The following CDH12 variants were observed in gnomAD, a reference collection of about 807,000 sequenced individuals.
CDH12 encodes the protein cadherin 12, also known as cadherin-12.
In CDH12, 41 loss-of-function variants were observed where a neutral mutation model predicts 74.1. The ratio of observed to expected loss-of-function variants is 0.55; its 90% CI spans 0.43 to 0.72. The LOEUF is 0.72. CDH12 is among the 30% of genes least tolerant of loss of function. The probability of loss-of-function intolerance (pLI) is 0.00; values close to 1 mark genes in which losing one functional copy is unlikely to be tolerated. For missense variants in CDH12, 945 were observed against 977.2 expected (o/e 0.97, Z 0.44); for synonymous variants, 399 against 355.0 (o/e 1.12, Z -1.39).
At chr5:21,795,327 T>C (rs1746722322) in intron 10 of CDH12, among the ~76,000 whole-genome samples, 1 of 151,870 alleles carries the variant, frequency 6.6e-6, no homozygotes, top group African/African-American at 2.4e-5. Flanking sequence ...TCAGATATTT[T>C]TCTAGATTTA....
intron 1 of CDH12, among the ~76,000 whole-genome samples, chr5:22,763,250 C>T (rs1333724868): frequency 6.6e-6 from 1 of 151,816 alleles, no homozygotes; most frequent in Admixed American, 6.6e-5. Flanking sequence ...AAAAATCTGT[C>T]TTACATTTTA....
At chr5:21,998,962 A>T (rs755808263) in intron 5 of CDH12, among the ~76,000 whole-genome samples, 12 of 152,180 alleles carry the variant, frequency 7.9e-5, no homozygotes, top group East Asian at 5.8e-4. Context: ...AAAATTAAAT[A>T]CCACAAATGA....
chr5:21,795,463 C>T (rs1746729320), intron 10 of CDH12, among the ~76,000 whole-genome samples: 1 of 151,816 alleles, frequency 6.6e-6, no homozygotes, highest in African/African-American at 2.4e-5. Flanking sequence ...TATTTATTAA[C>T]TATCCACTTG....
intron 2 of CDH12, among the ~76,000 whole-genome samples, chr5:22,457,560 C>G (rs1337215544): frequency 6.6e-6 from 1 of 151,518 alleles, no homozygotes; most frequent in East Asian, 1.9e-4. Context: ...GCTTGGATTA[C>G]AGGCACCTGC....
intron 6 of CDH12, among the ~76,000 whole-genome samples, chr5:21,928,111 T>C (rs1307203214): frequency 1.3e-5 from 2 of 151,876 alleles, no homozygotes; most frequent in East Asian, 1.9e-4. Flanking sequence ...CATTTGACTA[T>C]GGTAATAAGA....
chr5:22,017,188 C>T (rs1377840219), intron 5 of CDH12, among the ~76,000 whole-genome samples: 2 of 152,176 alleles, frequency 1.3e-5, no homozygotes, highest in South Asian at 2.1e-4. Context: ...TTTGTTCCTA[C>T]TCCTTTGTCT....
intron 1 of CDH12, among the ~76,000 whole-genome samples, chr5:22,697,150 C>T (rs1423434858): frequency 3.3e-5 from 5 of 152,114 alleles, no homozygotes; most frequent in Admixed American, 2.0e-4. Context: ...GTCTTTTTCC[C>T]CTCCCATGAA....
chr5:22,447,985 T>TAAAAAAAAAAAAAAA lies in CDH12; in HGVS notation c.-427-42649_-427-42635dup, dbSNP rs10660558. On this transcript the variant is annotated intron_variant, in intron 2 of 14. Coordinates refer to ENST00000382254, the MANE Select transcript of CDH12 (RefSeq NM_004061.5). Reference sequence around the variant, plus strand: ...ATGAGGCCTCCTTTCTACAAGAAATTAAAAAAAAAAAAAAAAAAAAGCCAG... The same window carrying TAAAAAAAAAAAAAAA: ...ATGAGGCCTCCTTTCTACAAGAAATTAAAAAAAAAAAAAAAAAAAAAAAAAAAAAAAAAAAGCCAG... Among the ~76,000 whole-genome samples the TAAAAAAAAAAAAAAA allele has an allele frequency of 3.6e-5, 3 of 84,432 alleles. 1 individual carries two copies. The highest frequency in any genetic ancestry group is 4.9e-5 in the African/African-American group (1 of 20,582). 55.4% of individuals were successfully genotyped at this position (84,432 alleles called of 152,430 possible).
At chr5:21,925,378 C>T (rs941008651) in intron 6 of CDH12, among the ~76,000 whole-genome samples, 1 of 152,116 alleles carries the variant, frequency 6.6e-6, no homozygotes, top group Non-Finnish European at 1.5e-5. Flanking sequence ...TGAGATAAAC[C>T]TCTAATTATA....
intron 7 of CDH12, among the ~76,000 whole-genome samples, chr5:21,852,608 A>G (rs947389071): frequency 4.0e-5 from 6 of 151,468 alleles, no homozygotes; most frequent in African/African-American, 1.4e-4. Flanking sequence ...ATATGGTTTT[A>G]TCCACAGTTA....
chr5:22,023,030 A>AC (rs1005554016), intron 5 of CDH12, among the ~76,000 whole-genome samples: 2 of 151,882 alleles, frequency 1.3e-5, no homozygotes, highest in East Asian at 1.9e-4. Flanking sequence ...TCTCATATTA[A>AC]CCCCCCCATT....
At chr5:22,757,493 G>T (rs1334702468) in intron 1 of CDH12, among the ~76,000 whole-genome samples, 1 of 151,874 alleles carries the variant, frequency 6.6e-6, no homozygotes, top group Non-Finnish European at 1.5e-5. Context: ...ATGGTATATG[G>T]GATTATCAGC....
At chr5:22,665,728 A>G (rs1224474072) in intron 1 of CDH12, among the ~76,000 whole-genome samples, 1 of 152,102 alleles carries the variant, frequency 6.6e-6, no homozygotes, top group African/African-American at 2.4e-5. Flanking sequence ...ATTTTACTTT[A>G]TTTCATTCAT....
intron 6 of CDH12, among the ~76,000 whole-genome samples, chr5:21,920,536 G>A (rs1008922842): frequency 6.6e-6 from 1 of 151,978 alleles, no homozygotes; most frequent in Admixed American, 6.6e-5. Flanking sequence ...CAGGGTGTGG[G>A]GGCCAGGGGA....
chr5:21,922,284 A>G (rs182801673), intron 6 of CDH12, among the ~76,000 whole-genome samples: 1 of 152,318 alleles, frequency 6.6e-6, no homozygotes, highest in African/African-American at 2.4e-5. Flanking sequence ...ATCATATAAA[A>G]AAGCATCTAA....
intron 2 of CDH12, among the ~76,000 whole-genome samples, chr5:22,433,864 G>A (rs1483597616): frequency 6.6e-6 from 1 of 152,066 alleles, no homozygotes; most frequent in African/African-American, 2.4e-5. Flanking sequence ...TGTAGCATGA[G>A]GATTAAAACA....
intron 3 of CDH12, among the ~76,000 whole-genome samples, chr5:22,342,065 T>C (rs1739874747): frequency 6.6e-6 from 1 of 152,208 alleles, no homozygotes; most frequent in African/African-American, 2.4e-5. Flanking sequence ...TGTCCTCACA[T>C]GGCCTTCCCT....
intron 3 of CDH12, among the ~76,000 whole-genome samples, chr5:22,311,211 T>C (rs1308218980): frequency 3.9e-5 from 6 of 152,200 alleles, no homozygotes; most frequent in Non-Finnish European, 5.9e-5. Flanking sequence ...AGATTCAAGT[T>C]GCCCTAAATA....
intron 10 of CDH12, among the ~76,000 whole-genome samples, chr5:21,786,497 G>GA (rs1020502111): frequency 3.1e-3 from 443 of 145,130 alleles, no homozygotes; most frequent in African/African-American, 9.6e-3. Context: ...CACAGCTCAG[G>GA]AAAAAAAAAA....
Sources: allele counts gnomAD v4.1 joint callset (sites outside exome capture counted in the v4.1 genomes callset), GRCh38; gene constraint gnomAD v4.1.1; transcripts MANE v1.5; gene names NCBI Gene and HGNC (gene_info 2026-07-23, HGNC 2026-07-21).